Variants in LHFPL6 observed in about 807,000 individuals in gnomAD.
LHFPL6 encodes the protein LHFPL tetraspan subfamily member 6 protein.
A neutral mutation model predicts 20.6 loss-of-function variants in LHFPL6; 9 were observed. The observed-to-expected ratio is 0.44, with a 90% confidence interval of 0.26 to 0.76. LHFPL6 has a LOEUF of 0.76. Ranked by LOEUF, LHFPL6 falls within the 30% of genes least tolerant of loss-of-function variation. LHFPL6 has a pLI of 0.20. For missense variants in LHFPL6, 218 were observed against 253.5 expected (o/e 0.86, Z 0.95); for synonymous variants, 105 against 98.7 (o/e 1.06, Z -0.38).
At chr13:39,598,481 T>A (rs1425474259) in intron 2 of LHFPL6, among the ~76,000 whole-genome samples, 1 of 152,186 alleles carries the variant, frequency 6.6e-6, no homozygotes, top group Non-Finnish European at 1.5e-5. Flanking sequence ...AGAATTATTT[T>A]TGCCAGTATG....
intron 2 of LHFPL6, among the ~76,000 whole-genome samples, chr13:39,587,600 G>A (rs1872489227): frequency 6.6e-6 from 1 of 151,984 alleles, no homozygotes; most frequent in East Asian, 1.9e-4. Flanking sequence ...ATTATGTATT[G>A]TGTTTCACCC....
intron 3 of LHFPL6, among the ~76,000 whole-genome samples, chr13:39,358,347 A>T (rs911237046): frequency 3.3e-5 from 5 of 152,210 alleles, no homozygotes; most frequent in Non-Finnish European, 1.5e-5. Flanking sequence ...ATCCATATGC[A>T]GAGGAATAAA....
chr13:39,408,581 T>C (rs887156041), intron 2 of LHFPL6, among the ~76,000 whole-genome samples: 1 of 152,264 alleles, frequency 6.6e-6, no homozygotes, highest in Admixed American at 6.5e-5. Flanking sequence ...CGATTCTATT[T>C]TCATTATAGT....
chr13:39,513,950 G>A (rs545733163), intron 2 of LHFPL6, among the ~76,000 whole-genome samples: 5 of 152,024 alleles, frequency 3.3e-5, no homozygotes, highest in Admixed American at 2.0e-4. Flanking sequence ...AAATTGATGA[G>A]CCCATCCTCA....
intron 2 of LHFPL6, among the ~76,000 whole-genome samples, chr13:39,494,769 C>T (rs1311295153): frequency 6.6e-6 from 1 of 152,116 alleles, no homozygotes; most frequent in Non-Finnish European, 1.5e-5. Flanking sequence ...ATCAAATGTG[C>T]CACACTTACC....
At chr13:39,409,839 G>GT (rs1472653812) in intron 2 of LHFPL6, among the ~76,000 whole-genome samples, 1 of 152,278 alleles carries the variant, frequency 6.6e-6, no homozygotes, top group Non-Finnish European at 1.5e-5. Context: ...AAATTGTTCT[G>GT]TAACAATAGC....
chr13:39,437,700 A>C (rs1872000391), intron 2 of LHFPL6, among the ~76,000 whole-genome samples: 1 of 152,118 alleles, frequency 6.6e-6, no homozygotes, highest in Non-Finnish European at 1.5e-5. Flanking sequence ...TCAGGAGATC[A>C]AACCATCCTG....
At chr13:39,525,642 G>A (rs1019899023) in intron 2 of LHFPL6, among the ~76,000 whole-genome samples, 1 of 151,446 alleles carries the variant, frequency 6.6e-6, no homozygotes, top group Non-Finnish European at 1.5e-5. Flanking sequence ...TTGACCTTGA[G>A]GAACAGTGAC....
At chr13:39,493,868 TTCTC>T (rs1328036793) in intron 2 of LHFPL6, among the ~76,000 whole-genome samples, 4 of 152,170 alleles carry the variant, frequency 2.6e-5, no homozygotes, top group African/African-American at 9.6e-5. Flanking sequence ...AGAGACAAGT[TTCTC>T]TCTATTTTTA....
At chr13:39,445,296 A>G (rs1487521622) in intron 2 of LHFPL6, among the ~76,000 whole-genome samples, 2 of 152,230 alleles carry the variant, frequency 1.3e-5, no homozygotes, top group Non-Finnish European at 2.9e-5. Context: ...TCTATGCCAT[A>G]TGACATCACA....
intron 2 of LHFPL6, among the ~76,000 whole-genome samples, chr13:39,476,451 C>T (rs1873086546): frequency 6.6e-6 from 1 of 152,032 alleles, no homozygotes; most frequent in African/African-American, 2.4e-5. Context: ...AAGGCTGGCA[C>T]CTAAAATAAC....
At chr13:39,432,473 T>G (rs768696784) in intron 2 of LHFPL6, among the ~76,000 whole-genome samples, 6 of 152,050 alleles carry the variant, frequency 3.9e-5, no homozygotes, top group Admixed American at 2.0e-4. Context: ...CCTGAAATGC[T>G]CCCCTCCTCT....
rs565388433 is a variant in LHFPL6, at chr13:39,456,890, G to A, written c.386-78364C>T. ...CGGCTCACTGCAAACTCCATCTCCC[G>A]GGTTCAAGCCATTCTCCTGCCTCAG... On this transcript the variant is annotated intron_variant, in intron 2 of 3. Coordinates refer to ENST00000379589, the MANE Select transcript of LHFPL6 (RefSeq NM_005780.3). Among the ~76,000 whole-genome samples, 9 of 151,628 alleles carry A rather than the reference G, an allele frequency of 5.9e-5. No individual in the cohort carries two copies. In the South Asian group the frequency reaches 1.7e-3, roughly 28 times the overall value.
chr13:39,599,910 T>C (rs1364500676), intron 2 of LHFPL6, among the ~76,000 whole-genome samples: 4 of 152,180 alleles, frequency 2.6e-5, no homozygotes, highest in South Asian at 2.1e-4. Flanking sequence ...TCCAAATACA[T>C]TGTATAAGTT....
chr13:39,581,039 T>C (rs1872266054), intron 2 of LHFPL6, among the ~76,000 whole-genome samples: 1 of 152,252 alleles, frequency 6.6e-6, no homozygotes, highest in East Asian at 1.9e-4. Flanking sequence ...TCTGACTGCA[T>C]GTAAAATCCT....
At chr13:39,476,322 G>C (rs914724747) in intron 2 of LHFPL6, among the ~76,000 whole-genome samples, 1 of 152,078 alleles carries the variant, frequency 6.6e-6, no homozygotes, top group Admixed American at 6.6e-5. Context: ...GAGCAACCGC[G>C]CCCAGCCTGA....
intron 2 of LHFPL6, among the ~76,000 whole-genome samples, chr13:39,471,247 C>G (rs141817716): frequency 6.6e-6 from 1 of 152,168 alleles, no homozygotes; most frequent in Non-Finnish European, 1.5e-5. Flanking sequence ...GGAGAGAAAG[C>G]TACATCAGAC....
At chr13:39,422,638 A>C (rs1332702182) in intron 2 of LHFPL6, among the ~76,000 whole-genome samples, 1 of 151,842 alleles carries the variant, frequency 6.6e-6, no homozygotes, top group Admixed American at 6.6e-5. Flanking sequence ...AATGCGCAAC[A>C]GCTACAAATT....
chr13:39,365,716 T>C (rs1020705798), intron 3 of LHFPL6, among the ~76,000 whole-genome samples: 1 of 152,210 alleles, frequency 6.6e-6, no homozygotes, highest in Non-Finnish European at 1.5e-5. Context: ...CCTAGCTCTC[T>C]TTTTAGGTAT....
Sources: allele counts gnomAD v4.1 joint callset (sites outside exome capture counted in the v4.1 genomes callset), GRCh38; gene constraint gnomAD v4.1.1; transcripts MANE v1.5; gene names NCBI Gene and HGNC (gene_info 2026-07-23, HGNC 2026-07-21).